Variants in PCDHGA9 observed in about 807,000 individuals in gnomAD.
The protein encoded by PCDHGA9 is protocadherin gamma-A9.
Under a neutral mutation model 62.5 loss-of-function variants are expected in PCDHGA9, and 37 were observed. The observed-to-expected ratio is 0.59, with a 90% CI of 0.46 to 0.78. PCDHGA9 has a LOEUF of 0.78. PCDHGA9 is among the 30% of genes least tolerant of loss of function. The probability of loss-of-function intolerance (pLI) is 0.00; values close to 1 mark genes in which losing one functional copy is unlikely to be tolerated. For synonymous variants in PCDHGA9, 459 were observed against 484.6 expected (o/e 0.95, Z 0.69); for missense variants, 1,138 against 1,166.2 (o/e 0.98, Z 0.35).
At chr5:141,455,860 ATTATTTATTTATTTATTTATTTAT>A (rs145569377) in intron 1 of PCDHGA9, among the ~76,000 whole-genome samples, 10 of 139,848 alleles carry the variant, frequency 7.2e-5, no homozygotes, top group Admixed American at 5.1e-4. Flanking sequence ...AATTTCTTTT[ATTATTTATTTATTTATTTATTTAT>A]TTATTTATTT....
In PCDHGA9 at chr5:141,402,979, C is replaced by G. The variant is rs372858164; in HGVS notation, c.27C>G (p.Leu9=). The part of the protein sequence containing the change: MAAPTKCQ[L]RGRLVLLCSL... Reference sequence around the variant, plus strand: ...TGGCAGCTCCAACCAAATGCCAGCTCCGCGGAAGATTAGTCCTGCTATGCT... The same window carrying G: ...TGGCAGCTCCAACCAAATGCCAGCTGCGCGGAAGATTAGTCCTGCTATGCT... Residue 9 remains leucine (L), a synonymous_variant, in exon 1 of 4, where the codon CTC becomes CTG. Transcript: ENST00000573521. The G allele has an allele frequency of 5.6e-6, 9 of 1,608,716 alleles. No individual in the cohort carries two copies. The highest frequency in any genetic ancestry group is 7.6e-6 in the Non-Finnish European group (9 of 1,177,388).
rs2099684984 is a variant in PCDHGA9 at position 141,489,278 on chromosome 5, G to A, written c.2425-5529G>A. ...ACACTCCCACAGCTCGCTGGGAAAT[G>A]GCAAGTGCTGTGCATGTTGTCCTTG... is the stretch of plus-strand genomic sequence containing the variant. On this transcript the variant is annotated intron_variant, in intron 1 of 3. Transcript: ENST00000573521. The surrounding 1 kb of genome is among the most constrained non-coding windows in gnomAD (Gnocchi z 4.5). The A allele has an allele frequency of 6.4e-7, 1 of 1,561,298 alleles. No homozygotes were observed. The highest frequency in any genetic ancestry group is 2.2e-5 in the East Asian group (1 of 44,520).
chr5:141,476,820 T>C lies in PCDHGA9; in HGVS notation c.2425-17987T>C, dbSNP rs368919360. 6.2e-7 allele frequency: 1 copy of C among 1,613,594 alleles called. No individual in the cohort carries two copies. Among genetic ancestry groups the C allele is most frequent in the African/African-American group, 1.3e-5 (1 of 75,066 alleles). The stretch of plus-strand genomic sequence containing the variant: ...AGCCTGCCTATTCACATCAAGGTGC[T>C]GGACGCGAATGACAATGCGCCTGTC... On this transcript the variant is annotated intron_variant, in intron 1 of 3. Transcript: ENST00000573521. This position sits in a 1 kb window ranked among gnomAD's most constrained non-coding sequence, Gnocchi z 7.6.
At chr5:141,444,183 T>G (rs2098423667) in intron 1 of PCDHGA9, among the ~76,000 whole-genome samples, 1 of 138,396 alleles carries the variant, frequency 7.2e-6, no homozygotes, top group African/African-American at 2.8e-5. Flanking sequence ...TTTTTTTTTT[T>G]TTTTTGAGAT....
intron 1 of PCDHGA9, among the ~76,000 whole-genome samples, chr5:141,474,102 AAAC>A (rs909174523): frequency 2.6e-4 from 40 of 152,286 alleles, no homozygotes; most frequent in African/African-American, 8.7e-4. Flanking sequence ...ACAACAACAA[AAAC>A]AACAACAACG....
In PCDHGA9 at chr5:141,511,346, C is replaced by T; in HGVS notation, c.*173C>T. 7.1e-7 allele frequency: 1 copy of T among 1,400,168 alleles called. No homozygotes were observed. The allele number at this position is 1,400,168 out of a possible 1,614,324, so 86.7% of individuals were successfully genotyped here. A position where few individuals can be genotyped will look rare whatever the true frequency, so the allele number is the denominator to read the frequency against. On this transcript the variant is annotated 3_prime_UTR_variant, in exon 4 of 4. Transcript: ENST00000573521. ...AGTGCCCAGTCAGCACCTACCCCTT[C>T]CCCCCCAGGGGGTTGAATATGCAAA...
intron 3 of PCDHGA9, chr5:141,506,955 C>T (rs1387377785): frequency 2.6e-5 from 4 of 152,362 alleles, no homozygotes; most frequent in South Asian, 2.1e-4. Context: ...AATGAATCCT[C>T]TCAATAGCTC....
intron 1 of PCDHGA9, among the ~76,000 whole-genome samples, chr5:141,458,557 G>A (rs1258900717): frequency 6.9e-6 from 1 of 143,954 alleles, no homozygotes; most frequent in Non-Finnish European, 1.5e-5. Context: ...TGTTTGTTTT[G>A]GTTTTGGGTT....
chr5:141,420,061 G>C, intron 1 of PCDHGA9: 1 of 1,614,076 alleles, frequency 6.2e-7, no homozygotes. Flanking sequence ...TCTGCTCCAA[G>C]TCCGGACCTG....
At position 141,432,225 on chromosome 5, in the gene PCDHGA9, A is replaced by T; in HGVS notation, c.2424+26849A>T. On this transcript the variant is annotated intron_variant, in intron 1 of 3. Transcript: ENST00000573521. This position sits in a 1 kb window ranked among gnomAD's most constrained non-coding sequence, Gnocchi z 6.0. ...TGTGAAGAGAACGCCCAGATCACTT[A>T]TTCCCTGGCTGAGAACACCATCCAA... The T allele has an allele frequency of 1.2e-6, 2 of 1,614,206 alleles. No individual in the cohort carries two copies. Among genetic ancestry groups the T allele is most frequent in the South Asian group, 2.2e-5 (2 of 91,080 alleles).
chr5:141,419,579 C>G (rs759041306), intron 1 of PCDHGA9: 11 of 1,611,812 alleles, frequency 6.8e-6, no homozygotes, highest in Non-Finnish European at 9.3e-6. Flanking sequence ...CGGCTCCGCG[C>G]TCTTCGACAC....
At chr5:141,415,702 GC>G (rs754496290) in intron 1 of PCDHGA9, 1 of 1,403,056 alleles carries the variant, frequency 7.1e-7, no homozygotes, top group South Asian at 1.3e-5. Context: ...AAGTGTAAAT[GC>G]TAAAACACTG....
chr5:141,408,877 C>T (rs1476847671), intron 1 of PCDHGA9: 4 of 1,613,308 alleles, frequency 2.5e-6, no homozygotes, highest in Admixed American at 3.3e-5. Flanking sequence ...GAAGTGCCAC[C>T]GCTCACATAG....
intron 1 of PCDHGA9, among the ~76,000 whole-genome samples, chr5:141,449,921 C>T (rs2098659300): frequency 6.6e-6 from 1 of 151,648 alleles, no homozygotes; most frequent in African/African-American, 2.4e-5. Flanking sequence ...TTAAATTCTA[C>T]CATACCTTAT....
At chr5:141,417,456 G>A (rs1354162154) in intron 1 of PCDHGA9, 1 of 177,626 alleles carries the variant, frequency 5.6e-6, no homozygotes, top group Non-Finnish European at 1.2e-5. Context: ...TTATGACCAA[G>A]TGGAAATATA....
intron 1 of PCDHGA9, among the ~76,000 whole-genome samples, chr5:141,472,030 G>A (rs2099269943): frequency 6.6e-6 from 1 of 152,030 alleles, no homozygotes; most frequent in African/African-American, 2.4e-5. Flanking sequence ...TATGTAGAAA[G>A]CTGTGAAAAG....
intron 1 of PCDHGA9, among the ~76,000 whole-genome samples, chr5:141,450,166 T>TCCCACCACACC (rs1046248061): frequency 2.0e-5 from 3 of 151,062 alleles, no homozygotes; most frequent in African/African-American, 7.3e-5. Flanking sequence ...GCCACCACAC[T>TCCCACCACACC]CCCACCACAC....
rs2099883868 is a variant in PCDHGA9 at position 141,511,590 on chromosome 5, A to G, written c.*417A>G. On this transcript the variant is annotated 3_prime_UTR_variant, in exon 4 of 4. Transcript: ENST00000573521. The stretch of plus-strand genomic sequence containing the variant: ...AGTAAGGTGGTTGGGGTGTTGAAGT[A>G]CCAAGTAACCTACAAGCCTCCTAGT... 3.7e-6 allele frequency: 1 copy of G among 267,908 alleles called. No individual in the cohort carries two copies. The highest frequency in any genetic ancestry group is 7.4e-6 in the Non-Finnish European group (1 of 135,038). 16.6% of individuals were successfully genotyped at this position (267,908 alleles called of 1,614,324 possible). A position where few individuals can be genotyped will look rare whatever the true frequency, so the allele number is the denominator to read the frequency against.
chr5:141,489,375 G>T lies in PCDHGA9; in HGVS notation c.2425-5432G>T. 6.2e-7 allele frequency: 1 copy of T among 1,613,826 alleles called. No homozygotes were observed. Among genetic ancestry groups the T allele is most frequent in the Non-Finnish European group, 8.5e-7 (1 of 1,179,724 alleles). On this transcript the variant is annotated intron_variant, in intron 1 of 3. Transcript: ENST00000573521. This position sits in a 1 kb window ranked among gnomAD's most constrained non-coding sequence, Gnocchi z 4.5. ...AGGAGTCTGAGCCGGGGACGCTGGT[G>T]GGGAATGTTGCTCAGGATCTGGGCT...
Sources: allele counts gnomAD v4.1 joint callset (sites outside exome capture counted in the v4.1 genomes callset), GRCh38; gene constraint gnomAD v4.1.1; non-coding constraint Gnocchi (gnomAD v3.1); transcripts MANE v1.5; gene names NCBI Gene and HGNC (gene_info 2026-07-23, HGNC 2026-07-21).